Variants in HPCAL1 observed in about 807,000 individuals in gnomAD.
HPCAL1 encodes hippocalcin-like protein 1.
HPCAL1 carries 8 observed loss-of-function variants against 17.1 expected under a neutral mutation model. That is an observed-to-expected ratio of 0.47 (90% CI 0.27 to 0.84). The LOEUF is 0.84. HPCAL1 is among the 40% of genes least tolerant of loss of function. The pLI is 0.13. For synonymous variants in HPCAL1, 112 were observed against 111.4 expected (o/e 1.01, Z -0.03); for missense variants, 165 against 271.1 (o/e 0.61, Z 2.75).
intron 1 of HPCAL1, among the ~76,000 whole-genome samples, chr2:10,305,910 A>C (rs1288352517): frequency 6.6e-6 from 1 of 152,156 alleles, no homozygotes; most frequent in African/African-American, 2.4e-5. Context: ...CTCCTGTTGA[A>C]GCGCTGGTGC....
In HPCAL1 at chr2:10,427,229, T is replaced by C. The variant is rs1176500693; in HGVS notation, c.*408T>C. 5.0e-6 allele frequency: 1 copy of C among 200,036 alleles called. No individual in the cohort carries two copies. The highest frequency in any genetic ancestry group is 2.3e-5 in the African/African-American group (1 of 43,028). 12.4% of individuals were successfully genotyped at this position (200,036 alleles called of 1,614,324 possible). The stretch of plus-strand genomic sequence containing the variant: ...GGGTGGGGACGAGGCGTCGGGAGGG[T>C]ATACAGGGAGCCCCTCCCGTGCATG... On this transcript the variant is annotated 3_prime_UTR_variant, in exon 5 of 5. Coordinates refer to ENST00000307845, the MANE Select transcript of HPCAL1 (RefSeq NM_002149.4).
At chr2:10,337,002 C>T (rs148102378) in intron 1 of HPCAL1, among the ~76,000 whole-genome samples, 1,551 of 152,272 alleles carry the variant, frequency 0.01, 31 homozygotes, top group African/African-American at 0.035. Flanking sequence ...TTCTTCCCAC[C>T]GCAGCCTCCC....
intron 1 of HPCAL1, among the ~76,000 whole-genome samples, chr2:10,380,261 G>A (rs1316296858): frequency 6.6e-6 from 1 of 152,214 alleles, no homozygotes; most frequent in Non-Finnish European, 1.5e-5. Flanking sequence ...GAGGAAGTGT[G>A]TGGGCAGGTT....
chr2:10,370,236 C>G (rs1334068515), intron 1 of HPCAL1, among the ~76,000 whole-genome samples: 2 of 152,268 alleles, frequency 1.3e-5, no homozygotes, highest in Admixed American at 1.3e-4. Context: ...TTCTTCCAAT[C>G]GAATTCCCGT....
At chr2:10,368,577 G>C (rs368106395) in intron 1 of HPCAL1, 1 of 152,164 alleles carries the variant, frequency 6.6e-6, no homozygotes, top group Admixed American at 6.6e-5. Context: ...AGTGCAGTTC[G>C]TCCACATTTT....
chr2:10,333,624 G>T (rs534664048), intron 1 of HPCAL1, among the ~76,000 whole-genome samples: 1 of 152,280 alleles, frequency 6.6e-6, no homozygotes, highest in African/African-American at 2.4e-5. Context: ...TTTTGGCTTT[G>T]AGTTTGATTT....
intron 1 of HPCAL1, among the ~76,000 whole-genome samples, chr2:10,305,866 C>T (rs560171737): frequency 3.3e-5 from 5 of 152,366 alleles, no homozygotes; most frequent in African/African-American, 1.2e-4. Context: ...GCGCCCCATA[C>T]TCACCTAGCA....
chr2:10,381,028 G>C (rs1416428735), intron 1 of HPCAL1, among the ~76,000 whole-genome samples: 1 of 152,212 alleles, frequency 6.6e-6, no homozygotes. Flanking sequence ...GAACCGCTGG[G>C]GATCTTGATG....
In HPCAL1 at chr2:10,304,639, C is replaced by T. The variant is rs1662501400; in HGVS notation, c.-111+1462C>T. Among the ~76,000 whole-genome samples the T allele has an allele frequency of 6.6e-6, 1 of 152,248 alleles. No individual in the cohort carries two copies. Among genetic ancestry groups the T allele is most frequent in the African/African-American group, 2.4e-5 (1 of 41,464 alleles). ...AATTGAACCGCAGTGAACGAGCACCCAGCTCTTACCACGACTCACTCTCTG... is the reference window on the plus strand; with the variant it reads ...AATTGAACCGCAGTGAACGAGCACCTAGCTCTTACCACGACTCACTCTCTG... On this transcript the variant is annotated intron_variant, in intron 1 of 4. Coordinates refer to ENST00000307845, the MANE Select transcript of HPCAL1 (RefSeq NM_002149.4). The surrounding 1 kb of genome is among the most constrained non-coding windows in gnomAD (Gnocchi z 4.1).
chr2:10,391,625 CCG>C (rs1180464204), intron 1 of HPCAL1, among the ~76,000 whole-genome samples: 1 of 152,220 alleles, frequency 6.6e-6, no homozygotes, highest in African/African-American at 2.4e-5. Context: ...CTTTCCCCAT[CCG>C]CTCTTCTGCC....
At chr2:10,347,704 G>T (rs1225956288) in intron 1 of HPCAL1, among the ~76,000 whole-genome samples, 2 of 152,188 alleles carry the variant, frequency 1.3e-5, no homozygotes, top group Admixed American at 1.3e-4. Flanking sequence ...TGTCTGCGGG[G>T]CGGGGTTGGG....
chr2:10,331,264 T>A lies in HPCAL1; in HGVS notation c.-111+28087T>A, dbSNP rs1044630470. On this transcript the variant is annotated intron_variant, in intron 1 of 4. Coordinates refer to ENST00000307845, the MANE Select transcript of HPCAL1 (RefSeq NM_002149.4). The surrounding 1 kb of genome is among the most constrained non-coding windows in gnomAD (Gnocchi z 5.0). ...TGCTGGCTGCCTGTTACTCAGCACGTCCGCCTCTCCTGCCTCCTGAGCCCA... is the reference window on the plus strand; with the variant it reads ...TGCTGGCTGCCTGTTACTCAGCACGACCGCCTCTCCTGCCTCCTGAGCCCA... 3.3e-5 allele frequency among the ~76,000 whole-genome samples: 5 copies of A among 152,104 alleles called. No individual in the cohort carries two copies. The highest frequency in any genetic ancestry group is 1.2e-4 in the African/African-American group (5 of 41,422).
intron 1 of HPCAL1, among the ~76,000 whole-genome samples, chr2:10,378,436 C>T (rs1038426484): frequency 6.6e-6 from 1 of 152,066 alleles, no homozygotes; most frequent in African/African-American, 2.4e-5. Flanking sequence ...TAAATGCAGA[C>T]ACATACTCAG....
At chr2:10,374,544 C>T (rs573505549) in intron 1 of HPCAL1, among the ~76,000 whole-genome samples, 2 of 152,384 alleles carry the variant, frequency 1.3e-5, no homozygotes, top group East Asian at 1.9e-4. Context: ...CAGGAGGCAT[C>T]CTGTCTGCAG....
rs915224077 is a variant in HPCAL1, at chr2:10,310,457, C to T, written c.-111+7280C>T. Among the ~76,000 whole-genome samples, 2 of 152,156 alleles carry T rather than the reference C, an allele frequency of 1.3e-5. No individual in the cohort carries two copies. The highest frequency in any genetic ancestry group is 4.8e-5 in the African/African-American group (2 of 41,432). ...GGCTGTCGTAGCAAGGGATTTGATG[C>T]TGGAGTCTGTGACTGCTGTGCGTGT... On this transcript the variant is annotated intron_variant, in intron 1 of 4. Coordinates refer to ENST00000307845, the MANE Select transcript of HPCAL1 (RefSeq NM_002149.4). This position sits in a 1 kb window ranked among gnomAD's most constrained non-coding sequence, Gnocchi z 4.5.
chr2:10,330,366 C>T lies in HPCAL1; in HGVS notation c.-111+27189C>T, dbSNP rs1362696211. Among the ~76,000 whole-genome samples, 1 of 152,214 alleles carries T rather than the reference C, an allele frequency of 6.6e-6. No individual in the cohort carries two copies. Among genetic ancestry groups the T allele is most frequent in the African/African-American group, 2.4e-5 (1 of 41,466 alleles). On this transcript the variant is annotated intron_variant, in intron 1 of 4. Coordinates refer to ENST00000307845, the MANE Select transcript of HPCAL1 (RefSeq NM_002149.4). The surrounding 1 kb of genome is among the most constrained non-coding windows in gnomAD (Gnocchi z 4.2). ...AAGGGCAGCAGCTTTGGAGCAAGGGCCACCCTGCCCCTCCCCACCAAGCCC... is the reference window on the plus strand; with the variant it reads ...AAGGGCAGCAGCTTTGGAGCAAGGGTCACCCTGCCCCTCCCCACCAAGCCC...
At chr2:10,356,760 C>G (rs1469759765) in intron 1 of HPCAL1, among the ~76,000 whole-genome samples, 1 of 152,126 alleles carries the variant, frequency 6.6e-6, no homozygotes, top group Admixed American at 6.5e-5. Flanking sequence ...CAGCCATGCT[C>G]TTGGTGTTCC....
rs377755357 is a variant in HPCAL1, at chr2:10,416,898, T to C, written c.-24-2836T>C. 3.5e-4 allele frequency among the ~76,000 whole-genome samples: 54 copies of C among 152,238 alleles called. 3 individuals are homozygous for C. In the East Asian group the frequency reaches 6.2e-3, roughly 17 times the overall value. ...AGGCAGGGGGTGCAGGGGTCCCCTA[T>C]CTGCACATTGTTCTGAGTCTGATGT... On this transcript the variant is annotated intron_variant, in intron 2 of 4. Transcript: ENST00000307845.
intron 2 of HPCAL1, among the ~76,000 whole-genome samples, chr2:10,404,207 C>A (rs1463659204): frequency 6.6e-6 from 1 of 152,152 alleles, no homozygotes; most frequent in Non-Finnish European, 1.5e-5. Context: ...TTTGAAAACA[C>A]CCCAGGATGA....
Sources: gnomAD v4.1 joint callset for allele counts (sites outside exome capture counted in the v4.1 genomes callset) on GRCh38, gnomAD v4.1.1 for gene constraint, Gnocchi (gnomAD v3.1) non-coding constraint, MANE v1.5 for transcripts, NCBI Gene and HGNC (gene_info 2026-07-23, HGNC 2026-07-21) for gene names.